The following RAB2A variants were observed in gnomAD, a reference collection of about 807,000 sequenced individuals.
RAB2A encodes ras-related protein Rab-2A.
RAB2A carries 7 observed loss-of-function variants against 32.5 expected under a neutral mutation model. The ratio of observed to expected loss-of-function variants is 0.22; its 90% CI spans 0.12 to 0.40. The LOEUF is 0.40. RAB2A is among the 10% of genes least tolerant of loss of function. RAB2A has a pLI of 1.00. For missense variants in RAB2A, 108 were observed against 260.7 expected, an observed-to-expected ratio of 0.41 and a Z score of 4.03; for synonymous variants, 79 against 85.2, an observed-to-expected ratio of 0.93 and a Z score of 0.40.
intron 1 of RAB2A, among the ~76,000 whole-genome samples, chr8:60,539,804 A>C (rs982061646): frequency 6.6e-6 from 1 of 152,196 alleles, no homozygotes; most frequent in Non-Finnish European, 1.5e-5. Flanking sequence ...TCTGACAAGT[A>C]GAAATGGTAA....
At chr8:60,519,473 T>C (rs1586056621) in intron 1 of RAB2A, among the ~76,000 whole-genome samples, 1 of 152,214 alleles carries the variant, frequency 6.6e-6, no homozygotes, top group Non-Finnish European at 1.5e-5. Context: ...CAAAGTCTTA[T>C]CTGAGTTTTC....
intron 3 of RAB2A, among the ~76,000 whole-genome samples, chr8:60,579,189 C>A (rs1437522229): frequency 6.6e-6 from 1 of 152,040 alleles, no homozygotes; most frequent in East Asian, 1.9e-4. Flanking sequence ...ATTACAGGCA[C>A]GTGCCACCAC....
chr8:60,572,578 A>G (rs16926294), intron 3 of RAB2A, among the ~76,000 whole-genome samples: 22,787 of 152,136 alleles, frequency 0.15, 1,845 homozygotes, highest in East Asian at 0.26. Context: ...CATGTCATAC[A>G]ATATTGTTTT....
chr8:60,525,967 A>G (rs13250266), intron 1 of RAB2A, among the ~76,000 whole-genome samples: 15 of 145,008 alleles, frequency 1.0e-4, no homozygotes, highest in South Asian at 2.1e-4. Context: ...ATGTATATAT[A>G]TGTCTATATG....
chr8:60,611,392 A>G (rs1804345825), intron 6 of RAB2A, among the ~76,000 whole-genome samples: 1 of 152,154 alleles, frequency 6.6e-6, no homozygotes, highest in African/African-American at 2.4e-5. Context: ...AGTTTTCCTA[A>G]TATATGAGTG....
rs745778753 is a variant in RAB2A at position 60,621,400 on chromosome 8, TTTTCTTGTCACTAGTCCAA to T, written c.*632_*650del. ...GACATTGTTAACAAGCATGTTCATC[TTTTCTTGTCACTAGTCCAA>T]GAAAAATATGCTTAATGTATATTAC... On this transcript the variant is annotated 3_prime_UTR_variant, in exon 8 of 8. Transcript: ENST00000262646. 2.6e-5 allele frequency: 4 copies of T among 152,354 alleles called. No homozygotes were observed. The highest frequency in any genetic ancestry group is 5.9e-5 in the Non-Finnish European group (4 of 68,036). The allele number at this position is 152,354 out of a possible 1,614,324, so 9.4% of individuals were successfully genotyped here. A position where few individuals can be genotyped will look rare whatever the true frequency, so the allele number is the denominator to read the frequency against.
Position 60,614,553 on chromosome 8 carries a change from A to G in RAB2A, c.475-4027A>G, listed in dbSNP as rs80238383. ...ACAGGTGCGAGCCTGGCCAGTGACA[A>G]TAGTTTTAACAGGTGCCCTTGGGTA... On this transcript the variant is annotated intron_variant, in intron 6 of 7. Coordinates refer to ENST00000262646, the MANE Select transcript of RAB2A (RefSeq NM_002865.3). Among the ~76,000 whole-genome samples the G allele has an allele frequency of 3.8e-3, 585 of 152,256 alleles. 4 individuals carry two copies. Among genetic ancestry groups the G allele is most frequent in the African/African-American group, 0.014 (564 of 41,544 alleles).
At chr8:60,620,589 T>C (rs1057405852) in intron 7 of RAB2A, 85 bp from the exon 8 acceptor site, 32 of 973,544 alleles carry the variant, frequency 3.3e-5, no homozygotes, top group Admixed American at 9.4e-5. Flanking sequence ...TAAAATTGTA[T>C]CATAAAGAAT....
chr8:60,524,735 A>C (rs1807353143), intron 1 of RAB2A, among the ~76,000 whole-genome samples: 1 of 152,234 alleles, frequency 6.6e-6, no homozygotes, highest in Non-Finnish European at 1.5e-5. Flanking sequence ...CCCAGACATC[A>C]GTATTTTTAA....
At chr8:60,592,533 T>A (rs1046717477) in intron 6 of RAB2A, among the ~76,000 whole-genome samples, 4 of 152,198 alleles carry the variant, frequency 2.6e-5, no homozygotes, top group Non-Finnish European at 5.9e-5. Context: ...TTTATTTTTT[T>A]AACTGTCAAT....
intron 1 of RAB2A, among the ~76,000 whole-genome samples, chr8:60,518,625 C>CAAAAAAAA (rs1807252034): frequency 2.0e-5 from 2 of 99,174 alleles, no homozygotes; most frequent in Admixed American, 1.1e-4. Context: ...AAAAAAAAAG[C>CAAAAAAAA]ATATTTATTG....
At position 60,572,034 on chromosome 8, in the gene RAB2A, T is replaced by C; in HGVS notation, c.119-12T>C. On this transcript the variant is annotated splice_polypyrimidine_tract_variant and intron_variant, in intron 2 of 7. Coordinates refer to ENST00000262646, the MANE Select transcript of RAB2A (RefSeq NM_002865.3). The stretch of plus-strand genomic sequence containing the variant: ...ACTAATTTTGTAACAAATCATTTCC[T>C]ACTCTATTTAGGTGTAGAGTTCGGT... 1 of 1,584,370 alleles carries C rather than the reference T, an allele frequency of 6.3e-7. No individual in the cohort carries two copies. The highest frequency in any genetic ancestry group is 8.6e-7 in the Non-Finnish European group (1 of 1,156,590).
intron 1 of RAB2A, among the ~76,000 whole-genome samples, chr8:60,531,355 G>A (rs752403497): frequency 2.0e-5 from 3 of 152,182 alleles, no homozygotes; most frequent in Non-Finnish European, 4.4e-5. Flanking sequence ...CTGTTTACTT[G>A]TGACCTCAGT....
At chr8:60,551,441 T>A (rs1445393620) in intron 1 of RAB2A, among the ~76,000 whole-genome samples, 1 of 152,242 alleles carries the variant, frequency 6.6e-6, no homozygotes, top group Non-Finnish European at 1.5e-5. Flanking sequence ...TGAATTCTTT[T>A]TTGAAACTTT....
intron 1 of RAB2A, among the ~76,000 whole-genome samples, chr8:60,557,729 C>CT (rs71252884): frequency 0.083 from 12,020 of 144,690 alleles, 1,258 homozygotes; most frequent in African/African-American, 0.25. Context: ...CCACACCCAT[C>CT]TTTTTTTTTT....
intron 2 of RAB2A, among the ~76,000 whole-genome samples, chr8:60,564,516 T>A (rs1490427599): frequency 6.6e-6 from 1 of 152,230 alleles, no homozygotes; most frequent in Admixed American, 6.5e-5. Flanking sequence ...ACCTATTTTA[T>A]GAACCCATTC....
intron 1 of RAB2A, among the ~76,000 whole-genome samples, chr8:60,533,658 T>C (rs1402862908): frequency 6.6e-6 from 1 of 152,170 alleles, no homozygotes; most frequent in Non-Finnish European, 1.5e-5. Flanking sequence ...TGATTTTTTT[T>C]CTTCCTAAAG....
intron 6 of RAB2A, among the ~76,000 whole-genome samples, chr8:60,609,373 C>T (rs1804295769): frequency 1.3e-5 from 2 of 152,196 alleles, no homozygotes; most frequent in Admixed American, 1.3e-4. Context: ...TCTTCTTCTC[C>T]TTATTCCTGT....
At chr8:60,555,392 A>G (rs1482805225) in intron 1 of RAB2A, among the ~76,000 whole-genome samples, 1 of 152,012 alleles carries the variant, frequency 6.6e-6, no homozygotes, top group Non-Finnish European at 1.5e-5. Context: ...GATTATATCA[A>G]ACTAAAATCC....
Sources: gnomAD v4.1 joint callset for allele counts (sites outside exome capture counted in the v4.1 genomes callset) on GRCh38, gnomAD v4.1.1 for gene constraint, MANE v1.5 for transcripts, NCBI Gene and HGNC (gene_info 2026-07-23, HGNC 2026-07-21) for gene names.